Variants in HEATR4 observed in about 807,000 individuals in gnomAD.
HEATR4 encodes HEAT repeat containing 4.
Under a neutral mutation model 108.8 loss-of-function variants are expected in HEATR4, and 95 were observed. The ratio of observed to expected loss-of-function variants is 0.87; its 90% confidence interval spans 0.74 to 1.04. The LOEUF is 1.04. Ranked by LOEUF, HEATR4 falls within the 50% of genes least tolerant of loss-of-function variation. The pLI is 0.00. For missense variants in HEATR4, 1,152 were observed against 1,253.8 expected (o/e 0.92, Z 1.23); for synonymous variants, 443 against 459.4 (o/e 0.96, Z 0.46).
the HEATR4 span, chr14:73,574,903 C>G: frequency 6.2e-7 from 1 of 1,613,104 alleles, no homozygotes; most frequent in Non-Finnish European, 8.5e-7. Context: ...TTGTCCCTTT[C>G]TCAGGTAAAA....
the HEATR4 span, chr14:73,612,876 T>A: frequency 7.1e-7 from 1 of 1,399,908 alleles, no homozygotes; most frequent in Non-Finnish European, 9.5e-7. Flanking sequence ...CGGACGCCCT[T>A]CGCCGTGGAG....
At chr14:73,558,294 C>A (rs1035576562) in intron 1 of HEATR4, among the ~76,000 whole-genome samples, 14 of 141,764 alleles carry the variant, frequency 9.9e-5, no homozygotes, top group African/African-American at 3.7e-4. Context: ...CATGCACTCA[C>A]ACAGCTATAC....
At chr14:73,618,059 C>T in the HEATR4 span, among the ~76,000 whole-genome samples, 2 of 152,002 alleles carry the variant, frequency 1.3e-5, no homozygotes, top group African/African-American at 4.8e-5. Flanking sequence ...AGGAGAATTG[C>T]TCGAACTCAG....
chr14:73,523,783 C>T (rs556108118), intron 2 of HEATR4, among the ~76,000 whole-genome samples: 39 of 152,306 alleles, frequency 2.6e-4, no homozygotes, highest in Admixed American at 2.4e-3. Flanking sequence ...CTCCATAACT[C>T]TTTCTTGACC....
chr14:73,522,836 G>A lies in HEATR4; in HGVS notation c.317C>T (p.Pro106Leu), dbSNP rs757686996. ...CTGAGGCCGGGCCTTCCTGATCTGG[G>A]GAGTATGGATGATGTCATTGGTATT... ...LYNTNDIIHT[P>L]QIRKARPQKP... Residue 106 changes from proline to leucine, a missense_variant, in exon 3 of 18, where the codon CCC becomes CTC. Coordinates refer to ENST00000553558, the MANE Select transcript of HEATR4 (RefSeq NM_001220484.1). 3.5e-5 allele frequency: 57 copies of A among 1,614,064 alleles called. No individual in the cohort carries two copies. In the East Asian group the frequency reaches 1.2e-3, roughly 35 times the overall value.
the HEATR4 span, among the ~76,000 whole-genome samples, chr14:73,574,692 A>G: frequency 6.6e-6 from 1 of 152,056 alleles, no homozygotes; most frequent in East Asian, 1.9e-4. Flanking sequence ...AGAATAATTG[A>G]TAGATCTTCC....
chr14:73,615,790 A>G, the HEATR4 span, among the ~76,000 whole-genome samples: 2 of 152,046 alleles, frequency 1.3e-5, no homozygotes, highest in Non-Finnish European at 2.9e-5. Context: ...AGTGGCTCGC[A>G]CTTAAAATCC....
At chr14:73,627,460 T>C in the HEATR4 span, among the ~76,000 whole-genome samples, 13 of 152,322 alleles carry the variant, frequency 8.5e-5, no homozygotes, top group South Asian at 2.3e-3. Flanking sequence ...TGGCTTCACG[T>C]TGGGGTTCCA....
the HEATR4 span, among the ~76,000 whole-genome samples, chr14:73,588,321 C>T: frequency 2.0e-5 from 3 of 151,992 alleles, no homozygotes; most frequent in African/African-American, 7.2e-5. Context: ...ATTTTAAAAG[C>T]GTCCTTTCCT....
chr14:73,595,074 T>A, the HEATR4 span: 2 of 1,614,058 alleles, frequency 1.2e-6, no homozygotes, highest in Non-Finnish European at 1.7e-6. Flanking sequence ...ATTGGGCTTT[T>A]GGGCATTTCT....
the HEATR4 span, among the ~76,000 whole-genome samples, chr14:73,598,239 A>C: frequency 6.8e-6 from 1 of 146,754 alleles, no homozygotes; most frequent in Non-Finnish European, 1.5e-5. Flanking sequence ...AAAAAAAAAA[A>C]CATAGCCGGG....
the HEATR4 span, among the ~76,000 whole-genome samples, chr14:73,608,990 A>G: frequency 3.3e-5 from 5 of 151,814 alleles, no homozygotes; most frequent in Admixed American, 2.0e-4. Context: ...GAGACTAACC[A>G]CCCCCATGAT....
chr14:73,491,962 T>C (rs1566820319), intron 17 of HEATR4: 2 of 1,613,926 alleles, frequency 1.2e-6, no homozygotes, highest in East Asian at 2.2e-5. Context: ...TGGCTGTGCT[T>C]CAAGAGCAGT....
chr14:73,562,846 TA>T (rs2140325491), upstream of HEATR4, among the ~76,000 whole-genome samples: 1 of 152,142 alleles, frequency 6.6e-6, no homozygotes, highest in East Asian at 1.9e-4. Context: ...TTAAGATGTT[TA>T]TCAAGAAAAT....
the HEATR4 span, among the ~76,000 whole-genome samples, chr14:73,624,795 G>A: frequency 2.6e-4 from 39 of 152,246 alleles, no homozygotes; most frequent in African/African-American, 7.0e-4. Context: ...TGAAATGGGC[G>A]TAATAATAGT....
chr14:73,616,744 G>A, the HEATR4 span: 1 of 340,030 alleles, frequency 2.9e-6, no homozygotes, highest in Non-Finnish European at 5.3e-6. Context: ...GGTGGTTTGG[G>A]GTTACACGGA....
chr14:73,605,141 G>GA, the HEATR4 span, among the ~76,000 whole-genome samples: 3,066 of 149,358 alleles, frequency 0.021, 66 homozygotes, highest in South Asian at 0.098. Context: ...GATCCAAGAA[G>GA]AAAAAAAAAC....
In HEATR4 at chr14:73,484,839, C is replaced by G. The variant is rs577128528; in HGVS notation, c.2845-5997G>C. 2.5e-3 allele frequency among the ~76,000 whole-genome samples: 375 copies of G among 151,230 alleles called. 2 individuals are homozygous for G. Among genetic ancestry groups the G allele is most frequent in the Non-Finnish European group, 3.6e-3 (241 of 67,802 alleles). On this transcript the variant is annotated intron_variant, in intron 17 of 17. Transcript: ENST00000553558. Reference sequence around the variant, plus strand: ...ACACACACACACACACACAGACACACACACACACACACACACACACACATA... The same window carrying G: ...ACACACACACACACACACAGACACAGACACACACACACACACACACACATA...
At chr14:73,571,843 TCTTC>T in the HEATR4 span, among the ~76,000 whole-genome samples, 3 of 152,130 alleles carry the variant, frequency 2.0e-5, no homozygotes, top group African/African-American at 4.8e-5. Context: ...TAGGAAAACC[TCTTC>T]CTGTCAAATG....
Sources: allele counts gnomAD v4.1 joint callset (sites outside exome capture counted in the v4.1 genomes callset), GRCh38; gene constraint gnomAD v4.1.1; transcripts MANE v1.5; gene names NCBI Gene and HGNC (gene_info 2026-07-23, HGNC 2026-07-21).